WDFY4: variants seen among roughly 807,000 people sequenced by gnomAD.
The protein encoded by WDFY4 is WDFY family member 4.
In WDFY4, 169 loss-of-function variants were observed where a neutral mutation model predicts 351.9. The ratio of observed to expected loss-of-function variants is 0.48; its 90% CI spans 0.42 to 0.55. The LOEUF (loss-of-function observed/expected upper bound fraction) is 0.55, where lower values mean the gene tolerates loss of function less well. Ranked by LOEUF, WDFY4 falls within the 20% of genes least tolerant of loss-of-function variation. WDFY4 has a pLI of 0.00. For synonymous variants in WDFY4, 1,622 were observed against 1,574.6 expected (o/e 1.03, Z -0.71); for missense variants, 3,803 against 3,935.6 (o/e 0.97, Z 0.90).
chr10:48,938,823 T>G (rs571740925), intron 47 of WDFY4, among the ~76,000 whole-genome samples: 3 of 152,334 alleles, frequency 2.0e-5, no homozygotes, highest in African/African-American at 7.2e-5. Flanking sequence ...GATTCAGAGA[T>G]AATCTTTCCA....
At chr10:48,981,616 G>A (rs577011437) in intron 61 of WDFY4, 138 bp downstream of exon 61, 75 of 738,592 alleles carry the variant, frequency 1.0e-4, no homozygotes, top group Non-Finnish European at 1.5e-4. Context: ...CCAAGCACAG[G>A]AAGCAGCCCG....
chr10:48,948,179 T>TC (rs2133788532), intron 51 of WDFY4, among the ~76,000 whole-genome samples: 1 of 152,316 alleles, frequency 6.6e-6, no homozygotes, highest in Admixed American at 6.5e-5. Context: ...CGCAGCCTTC[T>TC]CCCTCCTTGA....
At chr10:48,847,671 T>C (rs1362772451) in intron 39 of WDFY4, among the ~76,000 whole-genome samples, 1 of 152,198 alleles carries the variant, frequency 6.6e-6, no homozygotes, top group Non-Finnish European at 1.5e-5. Flanking sequence ...ACAGAGGCCC[T>C]GACACCCACA....
chr10:48,818,186 G>T, intron 32 of WDFY4, among the ~76,000 whole-genome samples: 1 of 152,180 alleles, frequency 6.6e-6, no homozygotes, highest in East Asian at 1.9e-4. Context: ...ACCCAGTGAG[G>T]GCAAGTGAGC....
At chr10:48,886,454 C>A (rs900512494) in intron 43 of WDFY4, among the ~76,000 whole-genome samples, 3 of 152,146 alleles carry the variant, frequency 2.0e-5, no homozygotes, top group Admixed American at 2.0e-4. Context: ...GAGCATGACC[C>A]TCATGAATAG....
intron 38 of WDFY4, among the ~76,000 whole-genome samples, chr10:48,831,586 A>G (rs2068190862): frequency 6.6e-6 from 1 of 152,216 alleles, no homozygotes; most frequent in Non-Finnish European, 1.5e-5. Flanking sequence ...GGCTTTATAA[A>G]TTAGTCCTGG....
At chr10:48,832,010 A>G (rs1589712580) in intron 38 of WDFY4, among the ~76,000 whole-genome samples, 1 of 152,378 alleles carries the variant, frequency 6.6e-6, no homozygotes, top group Non-Finnish European at 1.5e-5. Flanking sequence ...GGGAACACAC[A>G]TTCAAACGAT....
chr10:48,813,963 C>G lies in WDFY4; in HGVS notation c.5221C>G (p.Leu1741Val). ...TELMDGPKDS[L>V]DAMLQWLLQR... The stretch of plus-strand genomic sequence containing the variant: ...CTCCTGCCTCCTCTTCCAGGACAGC[C>G]TTGATGCCATGCTTCAGTGGCTCCT... The change falls in exon 31 of 62, where the codon CTT (leucine) becomes GTT (valine). Residue 1741 changes from leucine (L) to valine (V), a missense_variant. Physicochemically the swap from Leu to Val is conservative, Grantham distance 32. Transcript: ENST00000325239. 6.5e-7 allele frequency: 1 copy of G among 1,546,958 alleles called. No homozygotes were observed. The highest frequency in any genetic ancestry group is 1.4e-5 in the African/African-American group (1 of 73,098).
chr10:48,945,869 G>A (rs147368689), intron 49 of WDFY4, among the ~76,000 whole-genome samples, 171 bp from the exon 50 acceptor site: 1,595 of 152,232 alleles, frequency 0.01, 26 homozygotes, highest in African/African-American at 0.036. Flanking sequence ...TTAAGTCTTT[G>A]TGGATCACTG....
In WDFY4 at chr10:48,910,145, G is replaced by A. The variant is rs979367331; in HGVS notation, c.7586+8282G>A. On this transcript the variant is annotated intron_variant, in intron 47 of 61. Transcript: ENST00000325239. ...GCCTGGTTTCCAGAACATCTCACTTGCCACTCTGTCTTCTCCTAACTGGGG... is the reference window on the plus strand; with the variant it reads ...GCCTGGTTTCCAGAACATCTCACTTACCACTCTGTCTTCTCCTAACTGGGG... The A allele has an allele frequency of 4.2e-6, 5 of 1,203,866 alleles. No individual in the cohort carries two copies. In the Middle Eastern group the frequency reaches 5.7e-4, roughly 137 times the overall value. The allele number at this position is 1,203,866 out of a possible 1,614,324, so 74.6% of individuals were successfully genotyped here.
intron 47 of WDFY4, among the ~76,000 whole-genome samples, chr10:48,914,825 T>C (rs1400041896): frequency 6.6e-6 from 1 of 152,176 alleles, no homozygotes; most frequent in African/African-American, 2.4e-5. Context: ...GGTGTGCCAT[T>C]GCTGGGCCCA....
chr10:48,875,785 C>G (rs1221694574), intron 42 of WDFY4, among the ~76,000 whole-genome samples: 3 of 152,198 alleles, frequency 2.0e-5, no homozygotes, highest in African/African-American at 7.2e-5. Context: ...GAGCTTGCTA[C>G]CTTGCCTGTC....
intron 39 of WDFY4, among the ~76,000 whole-genome samples, chr10:48,834,477 A>G (rs527459816): frequency 6.6e-6 from 1 of 152,088 alleles, no homozygotes; most frequent in Admixed American, 6.6e-5. Context: ...GAAATAGGAG[A>G]CTGTTTACAA....
chr10:48,697,715 G>T (rs907439515), intron 1 of WDFY4, among the ~76,000 whole-genome samples: 1 of 152,136 alleles, frequency 6.6e-6, no homozygotes, highest in African/African-American at 2.4e-5. Flanking sequence ...TCCTGTTCCA[G>T]GCTTGGTTTA....
chr10:48,920,669 A>G (rs543821017), intron 47 of WDFY4, among the ~76,000 whole-genome samples: 1 of 152,354 alleles, frequency 6.6e-6, no homozygotes, highest in Non-Finnish European at 1.5e-5. Context: ...TAACCAGTGC[A>G]ATAATGCAAA....
chr10:48,930,949 A>G (rs530426194), intron 47 of WDFY4, among the ~76,000 whole-genome samples: 5 of 152,154 alleles, frequency 3.3e-5, no homozygotes, highest in Admixed American at 6.5e-5. Flanking sequence ...TATCAGCAAC[A>G]CTGCTCTCTG....
In WDFY4 at chr10:48,978,301, T is replaced by G; in HGVS notation, c.9292-8T>G. 3 of 1,550,814 alleles carry G rather than the reference T, an allele frequency of 1.9e-6. No individual in the cohort carries two copies. Among genetic ancestry groups the G allele is most frequent in the Non-Finnish European group, 1.7e-6 (2 of 1,146,544 alleles). On this transcript the variant is annotated splice_region_variant and splice_polypyrimidine_tract_variant and intron_variant, in intron 59 of 61. Transcript: ENST00000325239. Reference sequence around the variant, plus strand: ...TCCCCGCCGATGACATTTGCTCTTTTGGGGCAGGTTTGGAAGACTGAGGAT... The same window carrying G: ...TCCCCGCCGATGACATTTGCTCTTTGGGGGCAGGTTTGGAAGACTGAGGAT...
chr10:48,963,931 T>C lies in WDFY4; in HGVS notation c.8313T>C (p.Asp2771=), dbSNP rs779624354. 4.5e-5 allele frequency: 70 copies of C among 1,551,458 alleles called. No individual in the cohort carries two copies. The Middle Eastern group carries it at 1.9e-3, about 42-fold the overall frequency. The change falls in exon 54 of 62, where the codon GAT becomes GAC. Residue 2771 remains aspartate, a synonymous_variant. Coordinates refer to ENST00000325239, the MANE Select transcript of WDFY4 (RefSeq NM_001394531.1). ...AGCAGCAGGGGCCAGCCGCAGTGGA[T>C]GCTGTTAATATCTTCCACCCCTACT... The part of the protein sequence containing the change: ...GYKQQGPAAV[D]AVNIFHPYFY...
intron 5 of WDFY4, among the ~76,000 whole-genome samples, chr10:48,724,783 A>G (rs190852585): frequency 7.4e-4 from 112 of 152,266 alleles, no homozygotes; most frequent in African/African-American, 2.5e-3. Flanking sequence ...GAAGTCAAAC[A>G]AGGGGAAAAC....
Sources: allele counts gnomAD v4.1 joint callset (sites outside exome capture counted in the v4.1 genomes callset), GRCh38; gene constraint gnomAD v4.1.1; transcripts MANE v1.5; gene names NCBI Gene and HGNC (gene_info 2026-07-23, HGNC 2026-07-21).